OLA1: variants seen among roughly 807,000 people sequenced by gnomAD.
OLA1 encodes Obg like ATPase 1.
Under a neutral mutation model 48.4 loss-of-function variants are expected in OLA1, and 14 were observed. The ratio of observed to expected loss-of-function variants is 0.29; its 90% confidence interval spans 0.19 to 0.45. OLA1 has a LOEUF of 0.45. OLA1 is among the 20% of genes least tolerant of loss of function. The pLI is 1.00. For synonymous variants in OLA1, 127 were observed against 150.4 expected (o/e 0.84, Z 1.14); for missense variants, 325 against 467.1 (o/e 0.70, Z 2.80).
At chr2:174,204,117 T>G (rs1440458612) in intron 4 of OLA1, among the ~76,000 whole-genome samples, 1 of 150,562 alleles carries the variant, frequency 6.6e-6, no homozygotes, top group Non-Finnish European at 1.5e-5. Context: ...AAAAGCAAAT[T>G]TAGTCCAGGC....
intron 4 of OLA1, among the ~76,000 whole-genome samples, chr2:174,183,762 T>G (rs1406480256): frequency 1.3e-5 from 2 of 152,196 alleles, no homozygotes; most frequent in African/African-American, 2.4e-5. Context: ...CTCTTAGGAT[T>G]AAATGAGATG....
At chr2:174,222,007 C>T (rs1195460519) in intron 4 of OLA1, among the ~76,000 whole-genome samples, 1 of 152,186 alleles carries the variant, frequency 6.6e-6, no homozygotes, top group Non-Finnish European at 1.5e-5. Context: ...TAGATCAATG[C>T]TTCTCAAATT....
At chr2:174,157,025 A>T (rs1686902220) in intron 4 of OLA1, among the ~76,000 whole-genome samples, 1 of 152,184 alleles carries the variant, frequency 6.6e-6, no homozygotes, top group Non-Finnish European at 1.5e-5. Flanking sequence ...AAAAAAAAAA[A>T]AAAATGAAAG....
chr2:174,118,448 A>G (rs1481832857), intron 7 of OLA1, among the ~76,000 whole-genome samples: 1 of 151,934 alleles, frequency 6.6e-6, no homozygotes, highest in Non-Finnish European at 1.5e-5. Context: ...TTGTAATTTG[A>G]AGAACACTGG....
intron 7 of OLA1, among the ~76,000 whole-genome samples, chr2:174,085,084 C>T (rs1684939011): frequency 6.6e-6 from 1 of 152,162 alleles, no homozygotes; most frequent in Admixed American, 6.6e-5. Flanking sequence ...TTTCCTCAGT[C>T]TTAGGAGTAA....
chr2:174,161,429 T>G (rs1687009030), intron 4 of OLA1, among the ~76,000 whole-genome samples: 1 of 152,200 alleles, frequency 6.6e-6, no homozygotes, highest in South Asian at 2.1e-4. Flanking sequence ...TATTTTCATT[T>G]ATCTAAAATC....
intron 4 of OLA1, among the ~76,000 whole-genome samples, chr2:174,147,164 C>T (rs540509230): frequency 1.3e-5 from 2 of 152,238 alleles, no homozygotes; most frequent in East Asian, 3.9e-4. Flanking sequence ...CGGTGGCTCA[C>T]CCCTGTAATC....
Position 174,229,348 on chromosome 2 carries a change from C to T in OLA1, c.205G>A (p.Glu69Lys). ...TATTGACAAAGAAAGTCAAACCTTT[C>T]ATCTGGCACAGGTACTCTGCTCTCA... Reference protein sequence around the residue: ...PNESRVPVPDERFDFLCQYHK... With the variant: ...PNESRVPVPDKRFDFLCQYHK... The change falls in exon 3 of 11, where the codon GAA becomes AAA. Residue 69 changes from glutamate (E) to lysine (K), a missense_variant. Glu to Lys is a moderately conservative substitution (Grantham distance 56). Coordinates refer to ENST00000284719, the MANE Select transcript of OLA1 (RefSeq NM_013341.5). The T allele has an allele frequency of 1.2e-6, 2 of 1,612,674 alleles. No individual in the cohort carries two copies. The highest frequency in any genetic ancestry group is 2.7e-5 in the African/African-American group (2 of 75,014).
intron 10 of OLA1, 29 bp downstream of exon 10, chr2:174,078,939 G>T: frequency 6.3e-7 from 1 of 1,586,270 alleles, no homozygotes; most frequent in South Asian, 1.2e-5. Flanking sequence ...GAAACATTGT[G>T]AAATACAAAA....
chr2:174,142,120 C>A, intron 4 of OLA1, 120 bp from the exon 5 acceptor site: 1 of 888,024 alleles, frequency 1.1e-6, no homozygotes, highest in Non-Finnish European at 1.7e-6. Context: ...ACTCTGGCTT[C>A]TTGGCAAGTA....
chr2:174,210,335 CAT>C (rs1479486045), intron 4 of OLA1, among the ~76,000 whole-genome samples: 4 of 152,108 alleles, frequency 2.6e-5, no homozygotes, highest in Non-Finnish European at 5.9e-5. Context: ...CAGGGGCAAA[CAT>C]GATATTTTAT....
At chr2:174,115,561 A>G (rs1685761776) in intron 7 of OLA1, among the ~76,000 whole-genome samples, 1 of 152,204 alleles carries the variant, frequency 6.6e-6, no homozygotes, top group South Asian at 2.1e-4. Context: ...AAATAAAAAC[A>G]TATACGTTTT....
intron 2 of OLA1, among the ~76,000 whole-genome samples, chr2:174,235,955 A>G (rs1688840213): frequency 6.6e-6 from 1 of 152,186 alleles, no homozygotes; most frequent in Admixed American, 6.5e-5. Context: ...AGAGTCCTCA[A>G]AAGGGTCAAG....
Position 174,210,596 on chromosome 2 carries a change from A to C in OLA1, c.373+12437T>G, listed in dbSNP as rs186902444. ...AATCATAACTTTATATGTACTATAGAATGACCCTCATTTTTTCTAAAACAC... is the reference window on the plus strand; with the variant it reads ...AATCATAACTTTATATGTACTATAGCATGACCCTCATTTTTTCTAAAACAC... On this transcript the variant is annotated intron_variant, in intron 4 of 10. Coordinates refer to ENST00000284719, the MANE Select transcript of OLA1 (RefSeq NM_013341.5). Among the ~76,000 whole-genome samples, 301 of 152,296 alleles carry C rather than the reference A, an allele frequency of 2.0e-3. 3 individuals carry two copies. The highest frequency in any genetic ancestry group is 6.9e-3 in the African/African-American group (286 of 41,576).
intron 7 of OLA1, among the ~76,000 whole-genome samples, chr2:174,104,198 G>A (rs961225984): frequency 2.0e-5 from 3 of 151,294 alleles, no homozygotes; most frequent in Non-Finnish European, 4.4e-5. Context: ...TTACCCGAAG[G>A]ACAAGAATGG....
intron 4 of OLA1, among the ~76,000 whole-genome samples, chr2:174,182,905 G>C (rs1687580511): frequency 6.6e-6 from 1 of 152,194 alleles, no homozygotes; most frequent in Admixed American, 6.5e-5. Flanking sequence ...AATTGCGGGA[G>C]TTAAACTAAA....
chr2:174,110,091 A>ATTTTTTTT lies in OLA1; in HGVS notation c.728+13081_728+13088dup, dbSNP rs199583094. Among the ~76,000 whole-genome samples the ATTTTTTTT allele has an allele frequency of 9.0e-5, 10 of 110,994 alleles. No homozygotes were observed. The East Asian group carries it at 9.6e-4, about 11-fold the overall frequency. 72.8% of individuals were successfully genotyped at this position (110,994 alleles called of 152,430 possible). A position where few individuals can be genotyped will look rare whatever the true frequency, so the allele number is the denominator to read the frequency against. On this transcript the variant is annotated intron_variant, in intron 7 of 10. Coordinates refer to ENST00000284719, the MANE Select transcript of OLA1 (RefSeq NM_013341.5). Reference sequence around the variant, plus strand: ...CTATCCCTGTGTTAGTTTGCTAAGGATTTTTTTTTTTTTTTTTTTTTTGAG... The same window carrying ATTTTTTTT: ...CTATCCCTGTGTTAGTTTGCTAAGGATTTTTTTTTTTTTTTTTTTTTTTTTTTTTTGAG...
chr2:174,210,050 A>C (rs1688207160), intron 4 of OLA1, among the ~76,000 whole-genome samples: 2 of 152,324 alleles, frequency 1.3e-5, no homozygotes, highest in South Asian at 4.1e-4. Flanking sequence ...TCATCAAGGA[A>C]GTATATACAG....
At chr2:174,193,023 C>T (rs12473994) in intron 4 of OLA1, among the ~76,000 whole-genome samples, 1 of 151,244 alleles carries the variant, frequency 6.6e-6, no homozygotes, top group Non-Finnish European at 1.5e-5. Flanking sequence ...CTTTTTGGAC[C>T]TATGGTTTTG....
Sources: gnomAD v4.1 joint callset for allele counts (sites outside exome capture counted in the v4.1 genomes callset) on GRCh38, gnomAD v4.1.1 for gene constraint, MANE v1.5 for transcripts, NCBI Gene and HGNC (gene_info 2026-07-23, HGNC 2026-07-21) for gene names.